The following HYOU1 variants were observed in gnomAD, a reference collection of about 807,000 sequenced individuals.
The protein encoded by HYOU1 is hypoxia up-regulated protein 1.
Under a neutral mutation model 120.5 loss-of-function variants are expected in HYOU1, and 40 were observed. The ratio of observed to expected loss-of-function variants is 0.33; its 90% CI spans 0.26 to 0.43. The LOEUF is 0.43. HYOU1 is among the 20% of genes least tolerant of loss of function. HYOU1 has a pLI of 1.00. For synonymous variants in HYOU1, 501 were observed against 479.4 expected (o/e 1.05, Z -0.59); for missense variants, 1,085 against 1,278.3 (o/e 0.85, Z 2.31).
In HYOU1 at chr11:119,044,585, GA is replaced by G. The variant is rs1204870244; in HGVS notation, c.*1007del. ...TTCATCCACAGGCCTGCCTCAGAGA[GA>G]GGGAGGTGGCATCTCTACATTCACA... On this transcript the variant is annotated 3_prime_UTR_variant, in exon 26 of 26. Transcript: ENST00000617285. The G allele has an allele frequency of 6.4e-6, 1 of 156,182 alleles. No individual in the cohort carries two copies. Among genetic ancestry groups the G allele is most frequent in the Non-Finnish European group, 1.4e-5 (1 of 70,034 alleles). 9.7% of individuals were successfully genotyped at this position (156,182 alleles called of 1,614,324 possible).
At chr11:119,050,039 C>G (rs1318456174) in intron 14 of HYOU1, among the ~76,000 whole-genome samples, 1 of 152,212 alleles carries the variant, frequency 6.6e-6, no homozygotes, top group Admixed American at 6.5e-5. Flanking sequence ...GCTCCTCTTT[C>G]TCCAAAGAGC....
rs1944484968 is a variant in HYOU1, at chr11:119,052,188, A to G, written c.1123-16T>C. On this transcript the variant is annotated splice_polypyrimidine_tract_variant and intron_variant, in intron 10 of 25. Coordinates refer to ENST00000617285, the MANE Select transcript of HYOU1 (RefSeq NM_006389.5). This position sits in a 1 kb window ranked among gnomAD's most constrained non-coding sequence, Gnocchi z 5.0. ...CAATCTCATCCTGCAGTGGGTAAGA[A>G]TGACAGGTGCAACAGCATGCAGTTA... 6 of 1,614,020 alleles carry G rather than the reference A, an allele frequency of 3.7e-6. No individual in the cohort carries two copies. Among genetic ancestry groups the G allele is most frequent in the Non-Finnish European group, 5.1e-6 (6 of 1,179,990 alleles).
Position 119,048,336 on chromosome 11 carries a change from G to C in HYOU1, c.2288C>G (p.Ser763Cys), listed in dbSNP as rs2133562982. The C allele has an allele frequency of 6.2e-7, 1 of 1,610,058 alleles. No individual in the cohort carries two copies. Among genetic ancestry groups the C allele is most frequent in the Non-Finnish European group, 8.5e-7 (1 of 1,179,962 alleles). The change falls in exon 20 of 26, where the codon TCC (serine) becomes TGC (cysteine). Residue 763 changes from serine to cysteine, a missense_variant. Transcript: ENST00000617285. This position sits in a 1 kb window ranked among gnomAD's most constrained non-coding sequence, Gnocchi z 4.7. The part of the protein sequence containing the change: ...KLYQPEYQEV[S>C]TEEQREEISG... ...GATCTCCTCACGCTGCTCCTCTGTG[G>C]ACACTTCCTGGTACTCGGGCTGGTA...
intron 16 of HYOU1, 167 bp downstream of exon 16, chr11:119,049,389 G>A: frequency 1.3e-6 from 2 of 1,563,140 alleles, no homozygotes; most frequent in East Asian, 4.7e-5. Flanking sequence ...AGGGGAATGG[G>A]CCTTGGGAGC....
rs1944700710 is a variant in HYOU1 at position 119,055,488 on chromosome 11, C to T, written c.264+5G>A. On this transcript the variant is annotated splice_donor_5th_base_variant and intron_variant, in intron 4 of 25. Coordinates refer to ENST00000617285, the MANE Select transcript of HYOU1 (RefSeq NM_006389.5). The surrounding 1 kb of genome is among the most constrained non-coding windows in gnomAD (Gnocchi z 4.0). ...CCACTCTGGGAAGAGGGACTGCTAG[C>T]TCACCATGCTTGCTGCACTGTCTCC... 6.2e-7 allele frequency: 1 copy of T among 1,613,680 alleles called. No homozygotes were observed. Among genetic ancestry groups the T allele is most frequent in the African/African-American group, 1.3e-5 (1 of 74,910 alleles).
chr11:119,056,207 C>G (rs782285829), intron 1 of HYOU1, 40 bp from the exon 2 acceptor site: 4 of 1,398,938 alleles, frequency 2.9e-6, no homozygotes, highest in African/African-American at 1.4e-5. Flanking sequence ...AAACTGGATA[C>G]CCGGAGTGAA....
rs2133552888 is a variant in HYOU1 at position 119,046,728 on chromosome 11, G to A, written c.2670C>T (p.Asp890=). The change falls in exon 23 of 26, where the codon GAC becomes GAT. Residue 890 remains aspartate, a synonymous_variant. Transcript: ENST00000617285. The part of the protein sequence containing the change: ...ATEKPVLLSK[D]IEAKMMALDR... Reference sequence around the variant, plus strand: ...CCAGGGCCATCATCTTAGCTTCAATGTCTTTTGAGAGCAACACAGGCTTCT... The same window carrying A: ...CCAGGGCCATCATCTTAGCTTCAATATCTTTTGAGAGCAACACAGGCTTCT... 1.9e-6 allele frequency: 3 copies of A among 1,610,564 alleles called. No individual in the cohort carries two copies. Among genetic ancestry groups the A allele is most frequent in the South Asian group, 1.1e-5 (1 of 91,088 alleles).
Position 119,051,016 on chromosome 11 carries a change from G to A in HYOU1, c.1665+19C>T. 6.2e-7 allele frequency: 1 copy of A among 1,613,986 alleles called. No homozygotes were observed. The highest frequency in any genetic ancestry group is 8.5e-7 in the Non-Finnish European group (1 of 1,179,940). ...GCCTGAGCCCCTGCTCTGCACACAG[G>A]GTATCCTTTAGCTCTCACCCTGTCT... On this transcript the variant is annotated intron_variant, in intron 14 of 25. Coordinates refer to ENST00000617285, the MANE Select transcript of HYOU1 (RefSeq NM_006389.5). This position sits in a 1 kb window ranked among gnomAD's most constrained non-coding sequence, Gnocchi z 4.2.
rs202092504 is a variant in HYOU1 at position 119,051,401 on chromosome 11, C to T, written c.1526+37G>A. 429 of 1,605,118 alleles carry T rather than the reference C, an allele frequency of 2.7e-4. No homozygotes were observed. In the African/African-American group the frequency reaches 4.7e-3, roughly 18 times the overall value. ...GATTATCCAGCAGCCACGCCTCCCC[C>T]TCCCTGGAGCTCCCATCCTACACCC... On this transcript the variant is annotated intron_variant, in intron 13 of 25. Transcript: ENST00000617285. The surrounding 1 kb of genome is among the most constrained non-coding windows in gnomAD (Gnocchi z 4.2).
At chr11:119,054,266 G>T in intron 7 of HYOU1, 30 bp from the exon 8 acceptor site, 1 of 1,561,674 alleles carries the variant, frequency 6.4e-7, no homozygotes, top group Non-Finnish European at 8.8e-7. Context: ...ACTGTCACAG[G>T]AACCTTCTCA....
chr11:119,057,101 C>T lies in HYOU1; in HGVS notation c.-89G>A, dbSNP rs2133619989. 6.6e-6 allele frequency: 1 copy of T among 152,254 alleles called. No individual in the cohort carries two copies. Among genetic ancestry groups the T allele is most frequent in the African/African-American group, 2.4e-5 (1 of 41,448 alleles). The allele number at this position is 152,254 out of a possible 1,614,324, so 9.4% of individuals were successfully genotyped here. ...CACGAGGCCGGCAGCGCCCCCCACC[C>T]GCGCCCTTCACAACTCCTCTCGGTT... On this transcript the variant is annotated 5_prime_UTR_variant, in exon 1 of 26. Transcript: ENST00000617285.
At chr11:119,050,762 G>T (rs1944392703) in intron 14 of HYOU1, among the ~76,000 whole-genome samples, 2 of 126,378 alleles carry the variant, frequency 1.6e-5, no homozygotes, top group African/African-American at 2.9e-5. Context: ...AAAAAAGAGT[G>T]GATTCTTCAA....
intron 8 of HYOU1, chr11:119,053,628 A>T: frequency 6.5e-6 from 1 of 153,208 alleles, no homozygotes. Flanking sequence ...AGGAACAGGG[A>T]GATGTTTTTA....
chr11:119,049,735 C>G (rs2133575100), intron 15 of HYOU1, 42 bp downstream of exon 15: 45 of 1,610,304 alleles, frequency 2.8e-5, no homozygotes, highest in Non-Finnish European at 3.6e-5. Flanking sequence ...AACCTTCACA[C>G]AAGTATATTC....
Position 119,051,811 on chromosome 11 carries a change from T to C in HYOU1, c.1338+8A>G, listed in dbSNP as rs2133588085. On this transcript the variant is annotated splice_region_variant and intron_variant, in intron 12 of 25. Transcript: ENST00000617285. The surrounding 1 kb of genome is among the most constrained non-coding windows in gnomAD (Gnocchi z 4.2). ...GAGCTTGTCACCTGCTCAGTCAGGC[T>C]CACTCACCAGGATGGGGTAGACCAC... The C allele has an allele frequency of 6.2e-7, 1 of 1,614,058 alleles. No individual in the cohort carries two copies. Among genetic ancestry groups the C allele is most frequent in the East Asian group, 2.2e-5 (1 of 44,868 alleles).
rs1944421605 is a variant in HYOU1 at position 119,051,278 on chromosome 11, GCA to G, written c.1527-107_1527-106del. The G allele has an allele frequency of 6.5e-7, 1 of 1,531,790 alleles. No individual in the cohort carries two copies. Among genetic ancestry groups the G allele is most frequent in the Non-Finnish European group, 8.9e-7 (1 of 1,120,162 alleles). 94.9% of individuals were successfully genotyped at this position (1,531,790 alleles called of 1,614,324 possible). ...AAGGTGTCAGGGGCACTCCCCAAGG[GCA>G]CACTCAAGAGGACGGATGCATTCTC... is the stretch of plus-strand genomic sequence containing the variant. On this transcript the variant is annotated intron_variant, in intron 13 of 25. Coordinates refer to ENST00000617285, the MANE Select transcript of HYOU1 (RefSeq NM_006389.5). This position sits in a 1 kb window ranked among gnomAD's most constrained non-coding sequence, Gnocchi z 4.2.
Position 119,052,769 on chromosome 11 carries a change from C to G in HYOU1, c.855G>C (p.Gly285=), listed in dbSNP as rs2133595535. The G allele has an allele frequency of 1.9e-6, 3 of 1,614,122 alleles. No homozygotes were observed. The highest frequency in any genetic ancestry group is 2.2e-5 in the South Asian group (2 of 91,088). ...GACCCTTGCGCTGCTCATTGAAAAGCCCAGCCAGGCGTTCTCGAAGCCGGA... is the reference window on the plus strand; with the variant it reads ...GACCCTTGCGCTGCTCATTGAAAAGGCCAGCCAGGCGTTCTCGAAGCCGGA... ...MELRLRERLA[G]LFNEQRKGQR... The change falls in exon 9 of 26, where the codon GGG becomes GGC. Residue 285 remains glycine, a synonymous_variant. Transcript: ENST00000617285. This position sits in a 1 kb window ranked among gnomAD's most constrained non-coding sequence, Gnocchi z 5.0.
At position 119,055,496 on chromosome 11, in the gene HYOU1, G is replaced by A. The variant is rs1354260310; in HGVS notation, c.261C>T (p.Ser87=). 1.2e-6 allele frequency: 2 copies of A among 1,613,620 alleles called. No individual in the cohort carries two copies. Among genetic ancestry groups the A allele is most frequent in the Admixed American group, 1.7e-5 (1 of 59,974 alleles). Residue 87 remains serine (S), a synonymous_variant, in exon 4 of 26, where the codon AGC becomes AGT. Transcript: ENST00000617285. The surrounding 1 kb of genome is among the most constrained non-coding windows in gnomAD (Gnocchi z 4.0). ...GGAAGAGGGACTGCTAGCTCACCAT[G>A]CTTGCTGCACTGTCTCCAAAGAATC... The part of the protein sequence containing the change: ...NERFFGDSAA[S]MAIKNPKATL...
chr11:119,046,348 G>A lies in HYOU1; in HGVS notation c.2887+69C>T. On this transcript the variant is annotated intron_variant, in intron 24 of 25. Coordinates refer to ENST00000617285, the MANE Select transcript of HYOU1 (RefSeq NM_006389.5). ...CATGGGCTGTCTAGAAACAGGCTGTGCCTGCCAGTTTGCCTACCCCTGGGC... is the reference window on the plus strand; with the variant it reads ...CATGGGCTGTCTAGAAACAGGCTGTACCTGCCAGTTTGCCTACCCCTGGGC... The A allele has an allele frequency of 7.1e-7, 1 of 1,418,204 alleles. No individual in the cohort carries two copies. The highest frequency in any genetic ancestry group is 1.0e-6 in the Non-Finnish European group (1 of 1,003,250). 87.9% of individuals were successfully genotyped at this position (1,418,204 alleles called of 1,614,324 possible).
Sources: allele counts gnomAD v4.1 joint callset (sites outside exome capture counted in the v4.1 genomes callset), GRCh38; gene constraint gnomAD v4.1.1; non-coding constraint Gnocchi (gnomAD v3.1); transcripts MANE v1.5; gene names NCBI Gene and HGNC (gene_info 2026-07-23, HGNC 2026-07-21).